Variants in SAMD12 observed in about 807,000 individuals in gnomAD.
SAMD12 encodes sterile alpha motif domain containing 12, also known as sterile alpha motif domain-containing protein 12.
SAMD12 carries 9 observed loss-of-function variants against 15.0 expected under a neutral mutation model. The ratio of observed to expected loss-of-function variants is 0.60; its 90% CI spans 0.36 to 1.05. SAMD12 has a LOEUF of 1.05. Ranked by LOEUF, SAMD12 falls within the 50% of genes least tolerant of loss-of-function variation. SAMD12 has a pLI of 0.01. For synonymous variants in SAMD12, 86 were observed against 90.1 expected (o/e 0.96, Z 0.25); for missense variants, 230 against 234.2 (o/e 0.98, Z 0.12).
At chr8:118,146,229 A>G in the SAMD12 span, among the ~76,000 whole-genome samples, 2 of 152,204 alleles carry the variant, frequency 1.3e-5, no homozygotes, top group Non-Finnish European at 2.9e-5. Context: ...AAGGCAGGAG[A>G]ACATGATGTA....
chr8:118,137,480 A>C, the SAMD12 span, among the ~76,000 whole-genome samples: 272 of 152,290 alleles, frequency 1.8e-3, 5 homozygotes, highest in Admixed American at 0.015. Context: ...AGTTATACGA[A>C]GTCAGCGTGA....
intron 1 of SAMD12, among the ~76,000 whole-genome samples, chr8:118,618,730 T>G (rs1479768187): frequency 4.6e-5 from 7 of 151,488 alleles, no homozygotes; most frequent in African/African-American, 9.7e-5. Flanking sequence ...GCCCAGCTAC[T>G]CGGGAGGCTG....
In SAMD12 at chr8:118,621,512, T is replaced by G. The variant is rs866834076; in HGVS notation, c.13+292A>C. On this transcript the variant is annotated intron_variant, in intron 1 of 3. Coordinates refer to ENST00000314727, the MANE Select transcript of SAMD12 (RefSeq NM_207506.3). ...GGGGCCAAAACCTCATGCCGGATCC[T>G]CCGGCTTTCCCCCCATTTCCAGGAT... 5.7e-5 allele frequency: 28 copies of G among 488,502 alleles called. No homozygotes were observed. The Admixed American group carries it at 7.2e-4, about 13-fold the overall frequency. The allele number at this position is 488,502 out of a possible 1,614,324, so 30.3% of individuals were successfully genotyped here. A position where few individuals can be genotyped will look rare whatever the true frequency, so the allele number is the denominator to read the frequency against.
At chr8:118,443,984 G>T (rs1021319596) in intron 2 of SAMD12, among the ~76,000 whole-genome samples, 1 of 152,174 alleles carries the variant, frequency 6.6e-6, no homozygotes, top group African/African-American at 2.4e-5. Flanking sequence ...GAGAGGCAGA[G>T]CTGTCAATGC....
At chr8:118,359,094 C>A (rs968722205) in intron 4 of SAMD12, among the ~76,000 whole-genome samples, 70 of 151,268 alleles carry the variant, frequency 4.6e-4, no homozygotes, top group African/African-American at 1.6e-3. Context: ...TTATTCCCTG[C>A]CCCCCCAATT....
intron 4 of SAMD12, among the ~76,000 whole-genome samples, chr8:118,333,556 T>TG (rs1160435178): frequency 6.7e-6 from 1 of 149,918 alleles, no homozygotes; most frequent in Admixed American, 6.7e-5. Flanking sequence ...ATTCTTTTGT[T>TG]TTTTTTTTTT....
the SAMD12 span, among the ~76,000 whole-genome samples, chr8:118,180,540 T>C: frequency 8.4e-6 from 1 of 119,294 alleles, no homozygotes; most frequent in Non-Finnish European, 2.0e-5. Context: ...GCCTTTCTCT[T>C]TCTCTCTCCC....
At chr8:118,424,581 G>A (rs1822160729) in intron 3 of SAMD12, among the ~76,000 whole-genome samples, 2 of 152,140 alleles carry the variant, frequency 1.3e-5, no homozygotes, top group Non-Finnish European at 2.9e-5. Flanking sequence ...TTACCCTACA[G>A]TTAATATGGG....
intron 2 of SAMD12, among the ~76,000 whole-genome samples, chr8:118,543,627 C>CTTTTTT (rs1554582437): frequency 8.6e-6 from 1 of 116,922 alleles, no homozygotes; most frequent in South Asian, 2.8e-4. Context: ...TTCTTTCTTT[C>CTTTTTT]TTTCTTTTTT....
chr8:118,536,534 T>C (rs1462450010), intron 2 of SAMD12, among the ~76,000 whole-genome samples: 1 of 152,050 alleles, frequency 6.6e-6, no homozygotes, highest in Admixed American at 6.6e-5. Context: ...GCGTGTTGTA[T>C]GTTTTTCCAC....
At chr8:118,207,406 G>A (rs367888249) in intron 4 of SAMD12, among the ~76,000 whole-genome samples, 89 of 152,016 alleles carry the variant, frequency 5.9e-4, no homozygotes, top group Middle Eastern at 6.8e-3. Context: ...ACAGAGGCAA[G>A]TATCTCAAGC....
At chr8:118,173,561 T>C in the SAMD12 span, among the ~76,000 whole-genome samples, 1 of 147,826 alleles carries the variant, frequency 6.8e-6, no homozygotes, top group African/African-American at 2.5e-5. Context: ...TTTATATATA[T>C]ATATAATCTA....
intron 4 of SAMD12, among the ~76,000 whole-genome samples, chr8:118,269,541 A>G (rs564571456): frequency 6.6e-6 from 1 of 152,218 alleles, no homozygotes; most frequent in East Asian, 1.9e-4. Context: ...TTAGGCTTCC[A>G]TAGAGCATTG....
intron 3 of SAMD12, among the ~76,000 whole-genome samples, chr8:118,380,472 C>G (rs181974352): frequency 4.6e-5 from 7 of 152,316 alleles, no homozygotes; most frequent in African/African-American, 1.7e-4. Flanking sequence ...TTCAACCTTT[C>G]TTTCCCTGTA....
In SAMD12 at chr8:118,507,847, T is replaced by C. The variant is rs535864341; in HGVS notation, c.193-67886A>G. ...CAGATGACTGCAAGGCTTGAGTATG[T>C]GTGGGTTTTAGTACACACAGGGCTC... On this transcript the variant is annotated intron_variant, in intron 2 of 3. Transcript: ENST00000314727. Among the ~76,000 whole-genome samples the C allele has an allele frequency of 4.5e-4, 68 of 152,190 alleles. 1 individual carries two copies. Among genetic ancestry groups the C allele is most frequent in the African/African-American group, 1.5e-3 (62 of 41,532 alleles).
chr8:118,154,677 T>G, the SAMD12 span, among the ~76,000 whole-genome samples: 1 of 152,216 alleles, frequency 6.6e-6, no homozygotes, highest in Non-Finnish European at 1.5e-5. Flanking sequence ...AGAATCTATA[T>G]AGCCGTAAGA....
chr8:118,207,751 T>C (rs1381391067), intron 4 of SAMD12, among the ~76,000 whole-genome samples: 2 of 152,196 alleles, frequency 1.3e-5, no homozygotes, highest in African/African-American at 4.8e-5. Context: ...TTAAACTTAT[T>C]TTAATTTCAA....
intron 2 of SAMD12, among the ~76,000 whole-genome samples, chr8:118,457,991 G>A (rs1823309934): frequency 6.6e-6 from 1 of 152,150 alleles, no homozygotes; most frequent in African/African-American, 2.4e-5. Flanking sequence ...TACTCACTTG[G>A]CTCTTGAATT....
chr8:118,256,768 T>C (rs1812949259), intron 4 of SAMD12, among the ~76,000 whole-genome samples: 1 of 143,248 alleles, frequency 7.0e-6, no homozygotes, highest in Non-Finnish European at 1.5e-5. Flanking sequence ...ATGTAATATA[T>C]CTGCATAAGA....
Sources: gnomAD v4.1 joint callset for allele counts (sites outside exome capture counted in the v4.1 genomes callset) on GRCh38, gnomAD v4.1.1 for gene constraint, MANE v1.5 for transcripts, NCBI Gene and HGNC (gene_info 2026-07-23, HGNC 2026-07-21) for gene names.